GOLIM4: variants seen among roughly 807,000 people sequenced by gnomAD.
GOLIM4 encodes golgi integral membrane protein 4.
Under a neutral mutation model 107.4 loss-of-function variants are expected in GOLIM4, and 71 were observed. That is an observed-to-expected ratio of 0.66 (90% CI 0.55 to 0.81). The LOEUF is 0.81. Among genes scored for constraint, GOLIM4 ranks in the 30% least tolerant of loss-of-function variants. GOLIM4 has a pLI of 0.00. For synonymous variants in GOLIM4, 327 were observed against 294.8 expected, an observed-to-expected ratio of 1.11 and a Z score of -1.12; for missense variants, 830 against 826.1, an observed-to-expected ratio of 1.00 and a Z score of -0.06.
chr3:168,050,822 T>TATAATAATAATAATAATAATA (rs140084468), intron 1 of GOLIM4, among the ~76,000 whole-genome samples: 1 of 136,320 alleles, frequency 7.3e-6, no homozygotes. Context: ...TAGCAACACC[T>TATAATAATAATAATAATAATA]ATAATAATAA....
chr3:168,043,361 A>G lies in GOLIM4; in HGVS notation c.517+18T>C. 3.8e-6 allele frequency: 6 copies of G among 1,570,228 alleles called. No homozygotes were observed. Among genetic ancestry groups the G allele is most frequent in the Non-Finnish European group, 5.2e-6 (6 of 1,150,530 alleles). Reference sequence around the variant, plus strand: ...GTACTTATTTAGAGATAAACTGGCTAATCAGATTTCCAAATACCTTTTAGC... The same window carrying G: ...GTACTTATTTAGAGATAAACTGGCTGATCAGATTTCCAAATACCTTTTAGC... On this transcript the variant is annotated intron_variant, in intron 5 of 15. Coordinates refer to ENST00000470487, the MANE Select transcript of GOLIM4 (RefSeq NM_014498.5).
chr3:168,045,553 G>T (rs899678970), intron 3 of GOLIM4, among the ~76,000 whole-genome samples: 3 of 151,970 alleles, frequency 2.0e-5, no homozygotes, highest in Non-Finnish European at 4.4e-5. Context: ...GTGTTCCTGT[G>T]GGGTATCTTC....
chr3:168,053,680 T>C (rs1719778970), intron 1 of GOLIM4, among the ~76,000 whole-genome samples: 1 of 152,230 alleles, frequency 6.6e-6, no homozygotes, highest in South Asian at 2.1e-4. Flanking sequence ...AGCCTTTATG[T>C]GACAGTTTTT....
chr3:168,016,546 A>G (rs1384043320), intron 14 of GOLIM4, among the ~76,000 whole-genome samples: 1 of 133,606 alleles, frequency 7.5e-6, no homozygotes, highest in Non-Finnish European at 1.5e-5. Context: ...TACTGGGTAT[A>G]TACCCAAAGG....
At chr3:168,081,870 T>A (rs1721387551) in intron 1 of GOLIM4, among the ~76,000 whole-genome samples, 1 of 152,098 alleles carries the variant, frequency 6.6e-6, no homozygotes, top group Non-Finnish European at 1.5e-5. Flanking sequence ...GCCATTTAAG[T>A]CTCCAATCAG....
chr3:168,019,731 G>GGTATTTCA (rs1390403741), intron 14 of GOLIM4, among the ~76,000 whole-genome samples: 3 of 152,046 alleles, frequency 2.0e-5, no homozygotes, highest in East Asian at 3.9e-4. Context: ...TAAAAATAAG[G>GGTATTTCA]GTATTTCAGA....
At chr3:168,027,241 C>T (rs1352692808) in intron 12 of GOLIM4, among the ~76,000 whole-genome samples, 2 of 152,110 alleles carry the variant, frequency 1.3e-5, no homozygotes, top group Non-Finnish European at 2.9e-5. Context: ...TATCCTTATC[C>T]ATATATTTAT....
intron 12 of GOLIM4, 131 bp downstream of exon 12, chr3:168,027,597 A>G: frequency 1.5e-6 from 1 of 668,810 alleles, no homozygotes; most frequent in Non-Finnish European, 2.7e-6. Context: ...TAATTATGCA[A>G]GCCATTTTCC....
At chr3:168,075,854 T>C (rs1721061278) in intron 1 of GOLIM4, among the ~76,000 whole-genome samples, 1 of 152,180 alleles carries the variant, frequency 6.6e-6, no homozygotes, top group South Asian at 2.1e-4. Flanking sequence ...GAATCAAATT[T>C]TAAAAGATGA....
At chr3:168,066,579 T>C (rs1720557968) in intron 1 of GOLIM4, among the ~76,000 whole-genome samples, 1 of 152,150 alleles carries the variant, frequency 6.6e-6, no homozygotes, top group East Asian at 1.9e-4. Flanking sequence ...AGTATACTTG[T>C]AGATGAGTGT....
chr3:168,075,715 C>T (rs1303897288), intron 1 of GOLIM4, among the ~76,000 whole-genome samples: 1 of 152,142 alleles, frequency 6.6e-6, no homozygotes, highest in African/African-American at 2.4e-5. Flanking sequence ...TTTCTCATTG[C>T]TTCTTCTATC....
chr3:168,069,926 T>C (rs1240473471), intron 1 of GOLIM4, among the ~76,000 whole-genome samples: 3 of 151,954 alleles, frequency 2.0e-5, no homozygotes, highest in Non-Finnish European at 4.4e-5. Context: ...AGTCTTTGTA[T>C]AGAAAGATGG....
chr3:168,036,689 T>C, intron 8 of GOLIM4, 147 bp downstream of exon 8: 1 of 597,198 alleles, frequency 1.7e-6, no homozygotes. Flanking sequence ...ATCTGTGTTT[T>C]ATCACGCCCT....
At position 168,009,180 on chromosome 3, in the gene GOLIM4, T is replaced by C. The variant is rs1438696544; in HGVS notation, c.*1089A>G. The C allele has an allele frequency of 1.3e-5, 2 of 151,906 alleles. No homozygotes were observed. The highest frequency in any genetic ancestry group is 6.6e-5 in the Admixed American group (1 of 15,238). The allele number at this position is 151,906 out of a possible 1,614,324, so 9.4% of individuals were successfully genotyped here. A position where few individuals can be genotyped will look rare whatever the true frequency, so the allele number is the denominator to read the frequency against. ...AAGGAATCTATTATATTCACAATGATTAAAATGCCTTACACATAGGCAAAA... is the reference window on the plus strand; with the variant it reads ...AAGGAATCTATTATATTCACAATGACTAAAATGCCTTACACATAGGCAAAA... On this transcript the variant is annotated 3_prime_UTR_variant, in exon 16 of 16. Transcript: ENST00000470487.
chr3:168,034,236 T>C (rs997333944), intron 8 of GOLIM4, among the ~76,000 whole-genome samples: 11 of 152,200 alleles, frequency 7.2e-5, no homozygotes, highest in African/African-American at 2.4e-4. Context: ...GAGCTCTAAG[T>C]ACTTTCAAAC....
At chr3:168,093,722 C>G (rs1018725183) in intron 1 of GOLIM4, among the ~76,000 whole-genome samples, 1 of 152,032 alleles carries the variant, frequency 6.6e-6, no homozygotes, top group Non-Finnish European at 1.5e-5. Flanking sequence ...CGTATCAAAA[C>G]GGGTTTTACT....
chr3:168,054,604 TATTA>T (rs1025734586), intron 1 of GOLIM4, among the ~76,000 whole-genome samples: 118 of 152,064 alleles, frequency 7.8e-4, no homozygotes, highest in African/African-American at 2.1e-3. Flanking sequence ...TGTTTTTACT[TATTA>T]ATTAAACATA....
chr3:168,049,661 C>T (rs563616302), intron 1 of GOLIM4, among the ~76,000 whole-genome samples: 1 of 152,298 alleles, frequency 6.6e-6, no homozygotes, highest in African/African-American at 2.4e-5. Context: ...AGCCCCAACA[C>T]TACTGGCTGC....
intron 12 of GOLIM4, among the ~76,000 whole-genome samples, chr3:168,027,508 T>C (rs900115110): frequency 1.3e-5 from 2 of 151,904 alleles, no homozygotes; most frequent in African/African-American, 2.4e-5. Context: ...TGTTTTTTTT[T>C]TTCCCCCAGA....
Sources: allele counts gnomAD v4.1 joint callset (sites outside exome capture counted in the v4.1 genomes callset), GRCh38; gene constraint gnomAD v4.1.1; transcripts MANE v1.5; gene names NCBI Gene and HGNC (gene_info 2026-07-23, HGNC 2026-07-21).